The following TENM4 variants were observed in gnomAD, a reference collection of about 807,000 sequenced individuals.
The protein encoded by TENM4 is teneurin-4.
TENM4 carries 82 observed loss-of-function variants against 243.3 expected under a neutral mutation model. That is an observed-to-expected ratio of 0.34 (90% CI 0.28 to 0.40). The LOEUF is 0.40. Ranked by LOEUF, TENM4 falls within the 10% of genes least tolerant of loss-of-function variation. TENM4 has a pLI of 1.00. For missense variants in TENM4, 3,138 were observed against 3,673.3 expected, an observed-to-expected ratio of 0.85 and a Z score of 3.77; for synonymous variants, 1,412 against 1,456.3, an observed-to-expected ratio of 0.97 and a Z score of 0.69.
At chr11:78,895,557 A>G (rs894740059) in intron 7 of TENM4, among the ~76,000 whole-genome samples, 2 of 151,990 alleles carry the variant, frequency 1.3e-5, no homozygotes, top group African/African-American at 4.8e-5. Flanking sequence ...CAAATCTCCT[A>G]TCCACCCACT....
intron 2 of TENM4, among the ~76,000 whole-genome samples, chr11:79,223,444 A>G (rs1041774635): frequency 4.6e-5 from 7 of 152,164 alleles, no homozygotes; most frequent in African/African-American, 1.4e-4. Flanking sequence ...CTAGTTCTCA[A>G]CCACTGGAGT....
intron 12 of TENM4, among the ~76,000 whole-genome samples, chr11:78,829,495 T>C (rs1857929691): frequency 1.3e-5 from 2 of 152,140 alleles, no homozygotes; most frequent in South Asian, 2.1e-4. Flanking sequence ...GTCTCATTAA[T>C]AGTAGGTAAA....
intron 6 of TENM4, among the ~76,000 whole-genome samples, chr11:78,975,281 C>A (rs1055087415): frequency 6.6e-6 from 1 of 151,968 alleles, no homozygotes; most frequent in African/African-American, 2.4e-5. Flanking sequence ...CACGCGCTGC[C>A]TCCAGAGGGG....
chr11:79,328,724 A>T (rs1327859273), intron 1 of TENM4, among the ~76,000 whole-genome samples: 14 of 152,126 alleles, frequency 9.2e-5, no homozygotes, highest in Non-Finnish European at 2.1e-4. Context: ...GAGTTGGAGA[A>T]CTGAGGGAGA....
At chr11:79,042,973 C>T (rs1306455175) in intron 6 of TENM4, among the ~76,000 whole-genome samples, 1 of 152,214 alleles carries the variant, frequency 6.6e-6, no homozygotes, top group Non-Finnish European at 1.5e-5. Context: ...CCAAGCACGT[C>T]TTGCCACAAA....
chr11:78,781,368 T>C (rs931723383), intron 16 of TENM4, among the ~76,000 whole-genome samples: 1 of 152,216 alleles, frequency 6.6e-6, no homozygotes, highest in Non-Finnish European at 1.5e-5. Flanking sequence ...TTCTTTGGCA[T>C]TGTACAAATG....
chr11:78,917,030 C>G (rs1856332322), intron 6 of TENM4, among the ~76,000 whole-genome samples: 1 of 152,070 alleles, frequency 6.6e-6, no homozygotes, highest in South Asian at 2.1e-4. Flanking sequence ...ATGCAAAAAC[C>G]CCTCATGTAT....
At chr11:78,758,120 A>G (rs1280273430) in intron 18 of TENM4, among the ~76,000 whole-genome samples, 2 of 152,166 alleles carry the variant, frequency 1.3e-5, no homozygotes, top group Non-Finnish European at 2.9e-5. Flanking sequence ...GGTACAGTCT[A>G]TGTGCTTTGT....
chr11:79,285,650 T>A (rs1321131306), intron 2 of TENM4, among the ~76,000 whole-genome samples: 6 of 151,980 alleles, frequency 3.9e-5, no homozygotes, highest in Non-Finnish European at 1.5e-5. Flanking sequence ...GTGGTATGTG[T>A]GTGTGTGTGT....
intron 2 of TENM4, among the ~76,000 whole-genome samples, chr11:79,232,882 T>G (rs1025096201): frequency 6.6e-6 from 1 of 152,172 alleles, no homozygotes; most frequent in African/African-American, 2.4e-5. Flanking sequence ...GGTTTAGAGC[T>G]CCCTGCCCAT....
intron 1 of TENM4, among the ~76,000 whole-genome samples, chr11:79,390,712 C>T (rs913535870): frequency 2.6e-5 from 4 of 152,206 alleles, no homozygotes; most frequent in African/African-American, 7.2e-5. Flanking sequence ...TCCATGTAAG[C>T]TCCTGAAGGC....
At chr11:79,051,206 C>A (rs1859783112) in intron 6 of TENM4, among the ~76,000 whole-genome samples, 1 of 152,196 alleles carries the variant, frequency 6.6e-6, no homozygotes. Flanking sequence ...ATTCTAAGTG[C>A]TTTAACTTTC....
At chr11:78,898,673 T>G (rs1321978300) in intron 7 of TENM4, among the ~76,000 whole-genome samples, 4 of 152,184 alleles carry the variant, frequency 2.6e-5, no homozygotes, top group Non-Finnish European at 5.9e-5. Context: ...CAGTTAAGTA[T>G]ACATATTCAT....
intron 1 of TENM4, among the ~76,000 whole-genome samples, chr11:79,373,490 G>A (rs1224167699): frequency 1.3e-5 from 2 of 152,088 alleles, no homozygotes; most frequent in African/African-American, 4.8e-5. Flanking sequence ...GGATAAATGG[G>A]TGGATAGGTG....
chr11:78,961,693 A>G (rs1263353881), intron 6 of TENM4, among the ~76,000 whole-genome samples: 1 of 152,092 alleles, frequency 6.6e-6, no homozygotes, highest in Non-Finnish European at 1.5e-5. Context: ...GGGGACACTA[A>G]AATACTGAGT....
chr11:79,174,276 C>T (rs1315842900), intron 3 of TENM4, among the ~76,000 whole-genome samples: 2 of 152,064 alleles, frequency 1.3e-5, no homozygotes, highest in African/African-American at 4.8e-5. Context: ...AAAGGTGAAA[C>T]GTTGTACATG....
At chr11:78,691,644 T>C (rs1186107666) in intron 28 of TENM4, among the ~76,000 whole-genome samples, 2 of 152,216 alleles carry the variant, frequency 1.3e-5, no homozygotes, top group Non-Finnish European at 2.9e-5. Flanking sequence ...AGGTAGCTTG[T>C]AAGGCATAAT....
intron 6 of TENM4, among the ~76,000 whole-genome samples, chr11:79,044,592 A>G (rs1859615349): frequency 6.6e-6 from 1 of 152,210 alleles, no homozygotes; most frequent in African/African-American, 2.4e-5. Flanking sequence ...GCCTGAAACT[A>G]TTATGGAGGA....
At chr11:79,413,893 A>C (rs767851759) in intron 1 of TENM4, among the ~76,000 whole-genome samples, 2 of 152,196 alleles carry the variant, frequency 1.3e-5, no homozygotes, top group Admixed American at 6.5e-5. Flanking sequence ...ATATATCTAC[A>C]CATATGCATG....
Sources: allele counts gnomAD v4.1 joint callset (sites outside exome capture counted in the v4.1 genomes callset), GRCh38; gene constraint gnomAD v4.1.1; transcripts MANE v1.5; gene names NCBI Gene and HGNC (gene_info 2026-07-23, HGNC 2026-07-21).